The following GNPNAT1 variants were observed in gnomAD, a reference collection of about 807,000 sequenced individuals.
The protein encoded by GNPNAT1 is glucosamine-phosphate N-acetyltransferase 1, also known as glucosamine 6-phosphate N-acetyltransferase.
A neutral mutation model predicts 19.8 loss-of-function variants in GNPNAT1; 11 were observed. The ratio of observed to expected loss-of-function variants is 0.56; its 90% confidence interval spans 0.35 to 0.92. The LOEUF (loss-of-function observed/expected upper bound fraction) is 0.92, where lower values mean the gene tolerates loss of function less well. Ranked by LOEUF, GNPNAT1 falls within the 40% of genes least tolerant of loss-of-function variation. The probability of loss-of-function intolerance (pLI) is 0.01; values close to 1 mark genes in which losing one functional copy is unlikely to be tolerated. For synonymous variants in GNPNAT1, 71 were observed against 72.3 expected (o/e 0.98, Z 0.09); for missense variants, 157 against 211.0 (o/e 0.74, Z 1.59).
chr14:52,789,508 T>C (rs1883102767), intron 1 of GNPNAT1, among the ~76,000 whole-genome samples: 1 of 152,118 alleles, frequency 6.6e-6, no homozygotes, highest in South Asian at 2.1e-4. Context: ...CATCAAAAAT[T>C]TTTTTATGAG....
At chr14:52,783,520 T>C (rs368019758) in intron 2 of GNPNAT1, 35 bp from the exon 3 acceptor site, 2 of 1,366,564 alleles carry the variant, frequency 1.5e-6, no homozygotes, top group Non-Finnish European at 2.1e-6. Context: ...ATTACGAGAA[T>C]AGCAAAAGGA....
At chr14:52,785,371 T>C (rs1012248438) in intron 1 of GNPNAT1, among the ~76,000 whole-genome samples, 24 of 152,240 alleles carry the variant, frequency 1.6e-4, no homozygotes, top group African/African-American at 5.5e-4. Context: ...CAACAGGAAA[T>C]TGCAAGGGGA....
In GNPNAT1 at chr14:52,778,217, G is replaced by T; in HGVS notation, c.*94C>A. On this transcript the variant is annotated 3_prime_UTR_variant, in exon 6 of 6. Transcript: ENST00000216410. ...AATGTTTTTTCAGTCCAGTATTTATGGAGGTCACTCGGCTGCAGCAACAAA... is the reference window on the plus strand; with the variant it reads ...AATGTTTTTTCAGTCCAGTATTTATTGAGGTCACTCGGCTGCAGCAACAAA... The T allele has an allele frequency of 1.1e-6, 1 of 897,178 alleles. No individual in the cohort carries two copies. The highest frequency in any genetic ancestry group is 1.7e-6 in the Non-Finnish European group (1 of 596,750). The allele number at this position is 897,178 out of a possible 1,614,324, so 55.6% of individuals were successfully genotyped here.
chr14:52,781,739 T>C, intron 4 of GNPNAT1, 45 bp downstream of exon 4: 2 of 1,543,332 alleles, frequency 1.3e-6, no homozygotes, highest in Non-Finnish European at 1.7e-6. Flanking sequence ...CAAAGTCAGT[T>C]GTGCTAGAAA....
rs1883174845 is a variant in GNPNAT1 at position 52,791,429 on chromosome 14, C to G, written c.-16G>C. 6.6e-6 allele frequency: 1 copy of G among 152,624 alleles called. No homozygotes were observed. Among genetic ancestry groups the G allele is most frequent in the African/African-American group, 2.4e-5 (1 of 41,446 alleles). 9.5% of individuals were successfully genotyped at this position (152,624 alleles called of 1,614,324 possible). ...GCCCCGGCCCCGGTCCCTCCTCACC[C>G]GTAGAGGCCCTGCGGTCGGCGCTCC... On this transcript the variant is annotated splice_region_variant and 5_prime_UTR_variant, in exon 1 of 6. Transcript: ENST00000216410. The surrounding 1 kb of genome is among the most constrained non-coding windows in gnomAD (Gnocchi z 4.1).
At position 52,776,316 on chromosome 14, in the gene GNPNAT1, G is replaced by C. The variant is rs919901210; in HGVS notation, c.*1995C>G. ...CATATTTACATTTACTCACCATATGGCTTCAAAAATCATAAACATACTCAA... is the reference window on the plus strand; with the variant it reads ...CATATTTACATTTACTCACCATATGCCTTCAAAAATCATAAACATACTCAA... On this transcript the variant is annotated 3_prime_UTR_variant, in exon 6 of 6. Transcript: ENST00000216410. 6.6e-6 allele frequency: 1 copy of C among 152,016 alleles called. No homozygotes were observed. The highest frequency in any genetic ancestry group is 2.4e-5 in the African/African-American group (1 of 41,372). The allele number at this position is 152,016 out of a possible 1,614,324, so 9.4% of individuals were successfully genotyped here. A position where few individuals can be genotyped will look rare whatever the true frequency, so the allele number is the denominator to read the frequency against.
In GNPNAT1 at chr14:52,776,857, AC is replaced by A. The variant is rs1373490338; in HGVS notation, c.*1453del. ...GGCGTGAGCCACTGCACCCGGCCTT[AC>A]CAGGCTAATTTTTAAAAACATGCGT... On this transcript the variant is annotated 3_prime_UTR_variant, in exon 6 of 6. Coordinates refer to ENST00000216410, the MANE Select transcript of GNPNAT1 (RefSeq NM_198066.4). 6.6e-6 allele frequency: 1 copy of A among 152,194 alleles called. No individual in the cohort carries two copies. Among genetic ancestry groups the A allele is most frequent in the East Asian group, 1.9e-4 (1 of 5,194 alleles). 9.4% of individuals were successfully genotyped at this position (152,194 alleles called of 1,614,324 possible).
chr14:52,789,943 A>G (rs1323302042), intron 1 of GNPNAT1, among the ~76,000 whole-genome samples: 1 of 151,286 alleles, frequency 6.6e-6, no homozygotes, highest in Non-Finnish European at 1.5e-5. Flanking sequence ...TGAATAACGA[A>G]TAAGACTTAC....
At chr14:52,780,977 ATGACAGAGAAGCTGGGGCAAATC>A (rs1882880831) in intron 4 of GNPNAT1, among the ~76,000 whole-genome samples, 1 of 152,186 alleles carries the variant, frequency 6.6e-6, no homozygotes, top group Non-Finnish European at 1.5e-5. Flanking sequence ...GTTTTTAAAT[ATGACAGAGAAGCTGGGGCAAATC>A]TGATTAGCCC....
intron 3 of GNPNAT1, among the ~76,000 whole-genome samples, 182 bp from the exon 4 acceptor site, chr14:52,782,093 T>C (rs998112349): frequency 6.6e-6 from 1 of 152,094 alleles, no homozygotes; most frequent in Non-Finnish European, 1.5e-5. Context: ...TTAGTATCAA[T>C]TGGAATATAA....
intron 1 of GNPNAT1, among the ~76,000 whole-genome samples, chr14:52,785,477 CTT>C (rs1882992716): frequency 6.6e-6 from 1 of 151,570 alleles, no homozygotes; most frequent in African/African-American, 2.4e-5. Flanking sequence ...AATACCAACA[CTT>C]TGGGAGGCCG....
At chr14:52,789,828 ATCC>A (rs971971611) in intron 1 of GNPNAT1, among the ~76,000 whole-genome samples, 4 of 152,082 alleles carry the variant, frequency 2.6e-5, no homozygotes, top group African/African-American at 9.7e-5. Flanking sequence ...TTAAACACTA[ATCC>A]TCCTTAAGTA....
intron 1 of GNPNAT1, among the ~76,000 whole-genome samples, chr14:52,786,445 A>G (rs915346874): frequency 6.6e-6 from 1 of 152,024 alleles, no homozygotes; most frequent in African/African-American, 2.4e-5. Context: ...TGGAGGCTGC[A>G]GTGAGCTGAG....
At chr14:52,781,430 T>A (rs1405434562) in intron 4 of GNPNAT1, among the ~76,000 whole-genome samples, 5 of 152,144 alleles carry the variant, frequency 3.3e-5, no homozygotes, top group Non-Finnish European at 7.4e-5. Flanking sequence ...GCATTAGATG[T>A]ATCATAATTA....
Position 52,777,429 on chromosome 14 carries a change from A to G in GNPNAT1, c.*882T>C, listed in dbSNP as rs1882762434. 2 of 152,230 alleles carry G rather than the reference A, an allele frequency of 1.3e-5. No individual in the cohort carries two copies. Among genetic ancestry groups the G allele is most frequent in the South Asian group, 2.1e-4 (1 of 4,828 alleles). The allele number at this position is 152,230 out of a possible 1,614,324, so 9.4% of individuals were successfully genotyped here. ...CCATTAACATTTTATGAATTTGGCA[A>G]TCTAGTACAATACATTAAGTATTGT... On this transcript the variant is annotated 3_prime_UTR_variant, in exon 6 of 6. Transcript: ENST00000216410.
At chr14:52,781,363 CCTCT>C (rs1256121540) in intron 4 of GNPNAT1, among the ~76,000 whole-genome samples, 1 of 151,970 alleles carries the variant, frequency 6.6e-6, no homozygotes, top group Non-Finnish European at 1.5e-5. Flanking sequence ...GTTTTCTCTC[CCTCT>C]TTTTTTATTT....
chr14:52,786,082 C>A (rs1429099332), intron 1 of GNPNAT1, among the ~76,000 whole-genome samples: 4 of 139,218 alleles, frequency 2.9e-5, no homozygotes, highest in Non-Finnish European at 4.6e-5. Flanking sequence ...TTTCAATGAA[C>A]CATGAATAGA....
At position 52,775,688 on chromosome 14, in the gene GNPNAT1, T is replaced by C. The variant is rs1388208769; in HGVS notation, c.*2623A>G. On this transcript the variant is annotated 3_prime_UTR_variant, in exon 6 of 6. Transcript: ENST00000216410. ...CAGAGGATCACTTGAGCTCAGGAGT[T>C]TGAGACCGGCTTGGGCAATATAGTA... 1 of 152,042 alleles carries C rather than the reference T, an allele frequency of 6.6e-6. No homozygotes were observed. Among genetic ancestry groups the C allele is most frequent in the Non-Finnish European group, 1.5e-5 (1 of 68,032 alleles). The allele number at this position is 152,042 out of a possible 1,614,324, so 9.4% of individuals were successfully genotyped here.
chr14:52,789,226 A>G (rs1393872454), intron 1 of GNPNAT1, among the ~76,000 whole-genome samples: 1 of 152,198 alleles, frequency 6.6e-6, no homozygotes, highest in Non-Finnish European at 1.5e-5. Context: ...ATTTTTTAAC[A>G]AGGAACCCTG....
Sources: gnomAD v4.1 joint callset for allele counts (sites outside exome capture counted in the v4.1 genomes callset) on GRCh38, gnomAD v4.1.1 for gene constraint, Gnocchi (gnomAD v3.1) non-coding constraint, MANE v1.5 for transcripts, NCBI Gene and HGNC (gene_info 2026-07-23, HGNC 2026-07-21) for gene names.